Variants in SLC4A7 observed in about 807,000 individuals in gnomAD.
SLC4A7 encodes the protein sodium bicarbonate cotransporter 3.
A neutral mutation model predicts 137.6 loss-of-function variants in SLC4A7; 51 were observed. That is an observed-to-expected ratio of 0.37 (90% CI 0.30 to 0.47). SLC4A7 has a LOEUF of 0.47. Ranked by LOEUF, SLC4A7 falls within the 20% of genes least tolerant of loss-of-function variation. The pLI, the probability that SLC4A7 is intolerant of heterozygous loss-of-function variation, is 1.00. For missense variants in SLC4A7, 1,247 were observed against 1,525.4 expected, an observed-to-expected ratio of 0.82 and a Z score of 3.04; for synonymous variants, 542 against 518.6, an observed-to-expected ratio of 1.05 and a Z score of -0.61.
At chr3:27,481,695 A>G (rs1411994714) in intron 1 of SLC4A7, among the ~76,000 whole-genome samples, 6 of 152,126 alleles carry the variant, frequency 3.9e-5, no homozygotes, top group Admixed American at 6.5e-5. Flanking sequence ...TCTATTATTG[A>G]TTTATATATG....
intron 3 of SLC4A7, among the ~76,000 whole-genome samples, chr3:27,441,123 G>T (rs2057159864): frequency 6.6e-6 from 1 of 152,082 alleles, no homozygotes; most frequent in African/African-American, 2.4e-5. Context: ...ACATTCACAG[G>T]TTCGAGGGTT....
At position 27,391,736 on chromosome 3, in the gene SLC4A7, T is replaced by C. The variant is rs1466149293; in HGVS notation, c.3186+4A>G. ...TAGAAAATCATTAAATACTTAAAAC[T>C]TGCCTGGATTCCTTTTAATGAGGAA... On this transcript the variant is annotated splice_donor_region_variant and intron_variant, in intron 21 of 25. Transcript: ENST00000454389. 6.6e-7 allele frequency: 1 copy of C among 1,526,022 alleles called. No homozygotes were observed. Among genetic ancestry groups the C allele is most frequent in the Non-Finnish European group, 9.0e-7 (1 of 1,108,724 alleles). 94.5% of individuals were successfully genotyped at this position (1,526,022 alleles called of 1,614,324 possible). A position where few individuals can be genotyped will look rare whatever the true frequency, so the allele number is the denominator to read the frequency against.
At chr3:27,380,083 C>T (rs1053668382) in intron 24 of SLC4A7, among the ~76,000 whole-genome samples, 10 of 152,060 alleles carry the variant, frequency 6.6e-5, no homozygotes, top group Non-Finnish European at 1.2e-4. Context: ...CCAAGGCGGG[C>T]GGATCACGAG....
At chr3:27,401,080 C>T (rs1344785474) in intron 15 of SLC4A7, 4 of 378,882 alleles carry the variant, frequency 1.1e-5, no homozygotes, top group Non-Finnish European at 1.4e-5. Flanking sequence ...AATATCAAAA[C>T]GTTTAGTTAA....
intron 2 of SLC4A7, among the ~76,000 whole-genome samples, chr3:27,450,753 T>C (rs1423957221): frequency 6.6e-6 from 1 of 152,148 alleles, no homozygotes; most frequent in Non-Finnish European, 1.5e-5. Context: ...CTATTGCCTC[T>C]AGTGTCCTCT....
At chr3:27,472,752 G>T (rs886979522) in intron 1 of SLC4A7, among the ~76,000 whole-genome samples, 1 of 152,074 alleles carries the variant, frequency 6.6e-6, no homozygotes, top group Non-Finnish European at 1.5e-5. Flanking sequence ...ATTTCTATTT[G>T]TATCTTACCT....
At chr3:27,445,306 T>C (rs1257389637) in intron 3 of SLC4A7, among the ~76,000 whole-genome samples, 3 of 152,134 alleles carry the variant, frequency 2.0e-5, no homozygotes, top group African/African-American at 7.2e-5. Flanking sequence ...CCTCAAATTC[T>C]AGCCTCTTTG....
chr3:27,432,900 G>T (rs1410860802), intron 6 of SLC4A7, among the ~76,000 whole-genome samples: 1 of 152,112 alleles, frequency 6.6e-6, no homozygotes, highest in Non-Finnish European at 1.5e-5. Flanking sequence ...GTTAAAATGC[G>T]CTATACATTG....
intron 1 of SLC4A7, among the ~76,000 whole-genome samples, chr3:27,475,488 T>C (rs1053641102): frequency 3.9e-5 from 6 of 152,010 alleles, no homozygotes; most frequent in African/African-American, 1.4e-4. Flanking sequence ...ACTTGTTACA[T>C]CTAGGTTAAG....
Position 27,433,975 on chromosome 3 carries a change from A to G in SLC4A7, c.719T>C (p.Val240Ala). 1 of 1,613,944 alleles carries G rather than the reference A, an allele frequency of 6.2e-7. No homozygotes were observed. The highest frequency in any genetic ancestry group is 2.2e-5 in the East Asian group (1 of 44,820). Residue 240 changes from valine to alanine, a missense_variant, in exon 6 of 26, where the codon GTT (valine) becomes GCT (alanine). Val to Ala is a moderately conservative substitution (Grantham distance 64). This residue lies in a region of SLC4A7 where 223 missense variants were observed against 203.6 expected (regional missense o/e 1.10). Transcript: ENST00000454389. ...EKRFTSRIPL[V>A]RSFADIGKKH... ...CTTGCCTATATCTGCAAAAGATCGA[A>G]CAAGAGGAATCCGACTGGTGAATCT... is the stretch of plus-strand genomic sequence containing the variant.
In SLC4A7 at chr3:27,433,040, T is replaced by A. The variant is rs551527664; in HGVS notation, c.778+876A>T. ...ATGGCCAAGTGGAAGATAAAAAAGATGATTATTTTCAACTTTAGAAAAACT... is the reference window on the plus strand; with the variant it reads ...ATGGCCAAGTGGAAGATAAAAAAGAAGATTATTTTCAACTTTAGAAAAACT... On this transcript the variant is annotated intron_variant, in intron 6 of 25. Coordinates refer to ENST00000454389, the MANE Select transcript of SLC4A7 (RefSeq NM_001321103.2). The A allele has an allele frequency of 2.0e-5, 3 of 152,270 alleles. No homozygotes were observed. The East Asian group carries it at 5.8e-4, about 29-fold the overall frequency. The allele number at this position is 152,270 out of a possible 1,614,324, so 9.4% of individuals were successfully genotyped here. A position where few individuals can be genotyped will look rare whatever the true frequency, so the allele number is the denominator to read the frequency against.
chr3:27,419,578 C>G (rs1405558531), intron 10 of SLC4A7, among the ~76,000 whole-genome samples: 1 of 151,010 alleles, frequency 6.6e-6, no homozygotes, highest in Non-Finnish European at 1.5e-5. Flanking sequence ...TCAAGTGATC[C>G]ACCCACCTCG....
At chr3:27,404,701 A>G in intron 14 of SLC4A7, 129 bp downstream of exon 14, 1 of 693,030 alleles carries the variant, frequency 1.4e-6, no homozygotes, top group South Asian at 2.1e-5. Context: ...TCAATCATAC[A>G]GTAGCTCAAA....
intron 13 of SLC4A7, among the ~76,000 whole-genome samples, chr3:27,408,394 A>C (rs2053587370): frequency 6.6e-6 from 1 of 152,250 alleles, no homozygotes; most frequent in Non-Finnish European, 1.5e-5. Context: ...ACTTACTAAA[A>C]ATATGGACCT....
chr3:27,404,693 A>C (rs1559678394), intron 14 of SLC4A7, 137 bp downstream of exon 14: 2 of 647,554 alleles, frequency 3.1e-6, no homozygotes, highest in Admixed American at 3.6e-5. Flanking sequence ...GAGGATGGTC[A>C]ATCATACAGT....
rs979340570 is a variant in SLC4A7, at chr3:27,375,394, G to A, written c.*1370C>T. The A allele has an allele frequency of 2.6e-5, 4 of 152,146 alleles. No homozygotes were observed. Among genetic ancestry groups the A allele is most frequent in the Non-Finnish European group, 4.4e-5 (3 of 67,844 alleles). The allele number at this position is 152,146 out of a possible 1,614,324, so 9.4% of individuals were successfully genotyped here. A position where few individuals can be genotyped will look rare whatever the true frequency, so the allele number is the denominator to read the frequency against. On this transcript the variant is annotated 3_prime_UTR_variant, in exon 26 of 26. Transcript: ENST00000454389. ...ACAACCCCATTCATCCAGTCCTACA[G>A]GCTTAACAACATTTATTTCATGTGG...
At chr3:27,476,672 T>C (rs1168840421) in intron 1 of SLC4A7, among the ~76,000 whole-genome samples, 1 of 152,148 alleles carries the variant, frequency 6.6e-6, no homozygotes, top group Non-Finnish European at 1.5e-5. Flanking sequence ...TGAGAGTGTG[T>C]AGCCCTTCCC....
chr3:27,459,894 C>T (rs948257531), intron 1 of SLC4A7, among the ~76,000 whole-genome samples: 15 of 151,096 alleles, frequency 9.9e-5, no homozygotes, highest in Non-Finnish European at 2.2e-4. Flanking sequence ...CAGTATCTTT[C>T]CACAAAAAGA....
intron 1 of SLC4A7, among the ~76,000 whole-genome samples, chr3:27,466,629 A>C (rs2059014503): frequency 6.6e-6 from 1 of 152,142 alleles, no homozygotes; most frequent in Non-Finnish European, 1.5e-5. Context: ...GGAGTTCGAG[A>C]CCAGCCTAGC....
Sources: gnomAD v4.1 joint callset for allele counts (sites outside exome capture counted in the v4.1 genomes callset) on GRCh38, gnomAD v4.1.1 for gene constraint, gnomAD v4.1.1 regional missense constraint, MANE v1.5 for transcripts, NCBI Gene and HGNC (gene_info 2026-07-23, HGNC 2026-07-21) for gene names.